The following PCDH11X variants were observed in gnomAD, a reference collection of about 807,000 sequenced individuals.
The protein encoded by PCDH11X is protocadherin 11 X-linked.
Under a neutral mutation model 53.3 loss-of-function variants are expected in PCDH11X, and 18 were observed. That is an observed-to-expected ratio of 0.34 (90% confidence interval 0.23 to 0.50). The LOEUF (loss-of-function observed/expected upper bound fraction) is 0.50, where lower values mean the gene tolerates loss of function less well. Among genes scored for constraint, PCDH11X ranks in the 20% least tolerant of loss-of-function variants. PCDH11X has a pLI of 0.98. For synonymous variants in PCDH11X, 279 were observed against 393.3 expected, an observed-to-expected ratio of 0.71 and a Z score of 3.44; for missense variants, 570 against 1,032.4, an observed-to-expected ratio of 0.55 and a Z score of 6.14.
intron 10 of PCDH11X, among the ~76,000 whole-genome samples, chrX:92,567,554 G>C (rs1187182657): frequency 9.6e-6 from 1 of 104,657 alleles, no homozygotes; most frequent in Non-Finnish European, 2.0e-5. Flanking sequence ...TCTAGATACA[G>C]GATCATGTCA....
intron 6 of PCDH11X, among the ~76,000 whole-genome samples, chrX:92,109,979 A>G (rs1267254264): frequency 2.7e-5 from 3 of 112,456 alleles, no homozygotes; most frequent in Non-Finnish European, 5.6e-5. Context: ...ATTGAATAAA[A>G]CACTGTATAA....
chrX:92,461,936 C>A lies in PCDH11X; in HGVS notation c.3344-6363C>A, dbSNP rs1006100552. Among the ~76,000 whole-genome samples, 9 of 111,964 alleles carry A rather than the reference C, an allele frequency of 8.0e-5. No homozygotes were observed. The Admixed American group carries it at 8.5e-4, about 11-fold the overall frequency. On this transcript the variant is annotated intron_variant, in intron 9 of 10. Transcript: ENST00000682573. ...CAAAATAATATATACAAATGGCCTA[C>A]CTTCAAGTGTTTAAGTAAAAGTTGT... is the stretch of plus-strand genomic sequence containing the variant.
chrX:92,294,386 A>C (rs1333296635), intron 8 of PCDH11X, among the ~76,000 whole-genome samples: 1 of 111,247 alleles, frequency 9.0e-6, no homozygotes, highest in East Asian at 2.9e-4. Flanking sequence ...CAGGCGACCC[A>C]CCCATCTCAG....
chrX:91,967,066 G>A (rs375474249), intron 6 of PCDH11X, among the ~76,000 whole-genome samples: 1 of 101,407 alleles, frequency 9.9e-6, no homozygotes, highest in Non-Finnish European at 2.0e-5. Flanking sequence ...CCACTTATGA[G>A]TAAGAACATG....
intron 6 of PCDH11X, among the ~76,000 whole-genome samples, chrX:91,926,113 C>CACATAT (rs1555964030): frequency 1.1e-5 from 1 of 88,494 alleles, no homozygotes; most frequent in East Asian, 3.6e-4. Flanking sequence ...CACACACACA[C>CACATAT]ATATATATAT....
chrX:92,465,793 A>ATT (rs202194491), intron 9 of PCDH11X, among the ~76,000 whole-genome samples: 1 of 110,392 alleles, frequency 9.1e-6, no homozygotes, highest in African/African-American at 3.3e-5. Context: ...CAAAGAGGAG[A>ATT]TTTTTTTTCT....
chrX:91,782,181 C>T (rs1181364991), intron 1 of PCDH11X, among the ~76,000 whole-genome samples: 7 of 112,346 alleles, frequency 6.2e-5, no homozygotes, highest in South Asian at 7.3e-4. Context: ...CGCAGCCCCC[C>T]CCTTCCAGTC....
At chrX:92,551,393 A>T (rs1301144637) in intron 10 of PCDH11X, among the ~76,000 whole-genome samples, 9 of 99,936 alleles carry the variant, frequency 9.0e-5, no homozygotes, top group Admixed American at 1.1e-4. Context: ...TCTTTTGCCC[A>T]TTTTTTTTTG....
intron 6 of PCDH11X, among the ~76,000 whole-genome samples, chrX:92,066,734 G>A (rs1237083248): frequency 8.9e-6 from 1 of 111,814 alleles, no homozygotes; most frequent in Non-Finnish European, 1.9e-5. Flanking sequence ...ATTGTTATTC[G>A]GTGGCGTCTT....
At chrX:92,466,254 G>T (rs1195863505) in intron 9 of PCDH11X, among the ~76,000 whole-genome samples, 1 of 110,766 alleles carries the variant, frequency 9.0e-6, no homozygotes, top group Non-Finnish European at 1.9e-5. Context: ...TATTTCAGAT[G>T]ACAAGGACTA....
At chrX:91,939,415 G>T (rs369011468) in intron 6 of PCDH11X, among the ~76,000 whole-genome samples, 9 of 110,642 alleles carry the variant, frequency 8.1e-5, no homozygotes, top group East Asian at 5.7e-4. Flanking sequence ...GTGTGAGACA[G>T]GCAGAAAGAA....
chrX:91,960,424 T>TTTG (rs895281647), intron 6 of PCDH11X, among the ~76,000 whole-genome samples: 3 of 110,503 alleles, frequency 2.7e-5, no homozygotes, highest in South Asian at 3.8e-4. Flanking sequence ...ACTTTGTTTG[T>TTTG]TTGTTGTTGT....
At chrX:91,985,134 G>A (rs1408114394) in intron 6 of PCDH11X, among the ~76,000 whole-genome samples, 50 of 112,305 alleles carry the variant, frequency 4.5e-4, no homozygotes, top group Middle Eastern at 4.6e-3. Context: ...AGTTCTATGG[G>A]TTTTGTAGCA....
Position 92,406,811 on chromosome X carries a change from C to A in PCDH11X, c.3343+18878C>A, listed in dbSNP as rs533998004. ...ACGTGGCAGTGGGCACCTGTAATCC[C>A]AGCTACTTGGGCAGCTGAGGCAAGA... On this transcript the variant is annotated intron_variant, in intron 9 of 10. Transcript: ENST00000682573. Among the ~76,000 whole-genome samples, 21 of 107,211 alleles carry A rather than the reference C, an allele frequency of 2.0e-4. No individual in the cohort carries two copies. The South Asian group carries it at 9.0e-3, about 46-fold the overall frequency. The allele number at this position is 107,211 out of a possible 115,157, so 93.1% of individuals were successfully genotyped here.
At chrX:92,617,849 T>C (rs940191367) in intron 10 of PCDH11X, among the ~76,000 whole-genome samples, 1 of 111,270 alleles carries the variant, frequency 9.0e-6, no homozygotes, top group African/African-American at 3.3e-5. Flanking sequence ...ATTAGCTAAC[T>C]ATTTTTTAGC....
At chrX:92,112,931 A>G (rs6618865) in intron 6 of PCDH11X, among the ~76,000 whole-genome samples, 1,587 of 109,587 alleles carry the variant, frequency 0.014, 138 homozygotes, top group African/African-American at 0.053. Context: ...TAAAACACTT[A>G]GTTTATTGAT....
chrX:92,218,735 A>T (rs2066783005), intron 7 of PCDH11X, among the ~76,000 whole-genome samples: 1 of 111,571 alleles, frequency 9.0e-6, no homozygotes. Flanking sequence ...CCTGACAGAG[A>T]CACAACCAAA....
At chrX:92,105,218 T>A (rs1047251900) in intron 6 of PCDH11X, among the ~76,000 whole-genome samples, 4 of 111,215 alleles carry the variant, frequency 3.6e-5, no homozygotes, top group African/African-American at 9.8e-5. Context: ...GAAGTGTGGT[T>A]CCAAGATTGA....
intron 6 of PCDH11X, among the ~76,000 whole-genome samples, chrX:92,031,525 G>A (rs2063050170): frequency 9.1e-6 from 1 of 110,437 alleles, no homozygotes; most frequent in South Asian, 3.9e-4. Context: ...GGTTGCCTTG[G>A]CTTGTAGGGT....
Sources: allele counts gnomAD v4.1 joint callset (sites outside exome capture counted in the v4.1 genomes callset), GRCh38; gene constraint gnomAD v4.1.1; transcripts MANE v1.5; gene names NCBI Gene and HGNC (gene_info 2026-07-23, HGNC 2026-07-21).